GPR158: variants seen among roughly 807,000 people sequenced by gnomAD.
GPR158 encodes the protein G protein-coupled receptor 158, also known as metabotropic glycine receptor.
Under a neutral mutation model 78.2 loss-of-function variants are expected in GPR158, and 30 were observed. The observed-to-expected ratio is 0.38, with a 90% CI of 0.29 to 0.52. GPR158 has a LOEUF of 0.52. Ranked by LOEUF, GPR158 falls within the 20% of genes least tolerant of loss-of-function variation. GPR158 has a pLI of 0.83. For synonymous variants in GPR158, 581 were observed against 591.1 expected (o/e 0.98, Z 0.25); for missense variants, 1,463 against 1,523.5 (o/e 0.96, Z 0.66).
chr10:25,374,247 T>C (rs1834044266), intron 2 of GPR158, among the ~76,000 whole-genome samples: 1 of 151,558 alleles, frequency 6.6e-6, no homozygotes, highest in African/African-American at 2.4e-5. Flanking sequence ...ATATATAATA[T>C]GTAGTTTTTT....
At chr10:25,405,500 T>A (rs1221278411) in intron 3 of GPR158, among the ~76,000 whole-genome samples, 2 of 42,728 alleles carry the variant, frequency 4.7e-5, no homozygotes, top group Non-Finnish European at 1.0e-4. Flanking sequence ...ACAATTTCCT[T>A]TTTTTTTTTT....
intron 6 of GPR158, among the ~76,000 whole-genome samples, chr10:25,552,688 G>C (rs1315071929): frequency 6.6e-6 from 1 of 152,148 alleles, no homozygotes; most frequent in Non-Finnish European, 1.5e-5. Flanking sequence ...AAAAATGTCA[G>C]ATGAAGCCCT....
intron 2 of GPR158, among the ~76,000 whole-genome samples, chr10:25,327,630 A>G (rs1482823193): frequency 6.6e-6 from 1 of 152,192 alleles, no homozygotes; most frequent in Non-Finnish European, 1.5e-5. Flanking sequence ...AGACAGGAGC[A>G]ATGAAACACT....
At chr10:25,584,470 T>C (rs1040432647) in intron 7 of GPR158, among the ~76,000 whole-genome samples, 13 of 152,350 alleles carry the variant, frequency 8.5e-5, no homozygotes, top group Admixed American at 8.5e-4. Context: ...TGAGAAATCT[T>C]ATTTTGTCTT....
chr10:25,528,932 C>T (rs1472587759), intron 5 of GPR158, among the ~76,000 whole-genome samples: 1 of 151,802 alleles, frequency 6.6e-6, no homozygotes, highest in Non-Finnish European at 1.5e-5. Flanking sequence ...ATCAATGGGA[C>T]AAAATAAAGC....
At chr10:25,577,493 C>T (rs16926125) in intron 7 of GPR158, among the ~76,000 whole-genome samples, 6 of 152,114 alleles carry the variant, frequency 3.9e-5, no homozygotes, top group East Asian at 1.9e-4. Flanking sequence ...CAGCTTTACC[C>T]GTCAAAAACA....
chr10:25,323,220 C>CA (rs2130481327), intron 2 of GPR158, among the ~76,000 whole-genome samples: 1 of 152,274 alleles, frequency 6.6e-6, no homozygotes, highest in South Asian at 2.1e-4. Context: ...ATGCTATACA[C>CA]AATGCTGTCA....
chr10:25,396,570 G>T (rs1834365286), intron 3 of GPR158, among the ~76,000 whole-genome samples: 1 of 152,086 alleles, frequency 6.6e-6, no homozygotes, highest in Admixed American at 6.5e-5. Flanking sequence ...TGGCTGAGGT[G>T]GGAGGATCGC....
In GPR158 at chr10:25,574,871, T is replaced by C. The variant is rs987326119; in HGVS notation, c.1753+1984T>C. Among the ~76,000 whole-genome samples, 4 of 151,540 alleles carry C rather than the reference T, an allele frequency of 2.6e-5. No homozygotes were observed. In the East Asian group the frequency reaches 7.8e-4, roughly 29 times the overall value. On this transcript the variant is annotated intron_variant, in intron 7 of 10. Transcript: ENST00000376351. ...CTGCACTCCAGCCTGGGAGACAGAG[T>C]GAGACTTTGTCTCAAAGAAATAAAA...
chr10:25,224,282 G>A lies in GPR158; in HGVS notation c.1008+3125G>A, dbSNP rs1231013611. 2.0e-5 allele frequency among the ~76,000 whole-genome samples: 3 copies of A among 151,806 alleles called. No homozygotes were observed. In the East Asian group the frequency reaches 5.8e-4, roughly 29 times the overall value. ...TTGTTTGAAGTGTAAAAAAACCATT[G>A]TTTGAAGTAGGAAATATTAGGAGAG... On this transcript the variant is annotated intron_variant, in intron 2 of 10. Transcript: ENST00000376351.
chr10:25,356,227 C>G (rs1027330531), intron 2 of GPR158, among the ~76,000 whole-genome samples: 8 of 151,994 alleles, frequency 5.3e-5, no homozygotes, highest in African/African-American at 1.9e-4. Context: ...AGAGTTTTTT[C>G]ACTTCTATGT....
chr10:25,273,400 C>CTTTTTT (rs36068886), intron 2 of GPR158, among the ~76,000 whole-genome samples: 3 of 122,050 alleles, frequency 2.5e-5, no homozygotes, highest in African/African-American at 9.0e-5. Context: ...ACATTGGCAT[C>CTTTTTT]TTTTTTTTTT....
chr10:25,507,755 G>A (rs1368745462), intron 5 of GPR158, among the ~76,000 whole-genome samples: 1 of 152,032 alleles, frequency 6.6e-6, no homozygotes, highest in Non-Finnish European at 1.5e-5. Context: ...TCTCTTTATG[G>A]CAAAGGGGAA....
intron 7 of GPR158, among the ~76,000 whole-genome samples, chr10:25,573,139 G>A (rs1391133289): frequency 2.0e-5 from 3 of 152,164 alleles, no homozygotes; most frequent in Non-Finnish European, 2.9e-5. Context: ...AAGGAGAAAC[G>A]AACAATGGCA....
intron 2 of GPR158, among the ~76,000 whole-genome samples, chr10:25,253,012 C>T (rs1454044302): frequency 2.6e-5 from 4 of 152,302 alleles, no homozygotes; most frequent in East Asian, 1.9e-4. Context: ...GATATAGTCT[C>T]GTGGTGTGCC....
In GPR158 at chr10:25,286,074, G is replaced by C. The variant is rs1367565438; in HGVS notation, c.1008+64917G>C. Reference sequence around the variant, plus strand: ...GTTCAATATTTTTTCTTTATTTTTAGTTAACAACTGTTTGAATATGATATG... The same window carrying C: ...GTTCAATATTTTTTCTTTATTTTTACTTAACAACTGTTTGAATATGATATG... On this transcript the variant is annotated intron_variant, in intron 2 of 10. Coordinates refer to ENST00000376351, the MANE Select transcript of GPR158 (RefSeq NM_020752.3). Among the ~76,000 whole-genome samples, 4 of 151,934 alleles carry C rather than the reference G, an allele frequency of 2.6e-5. No individual in the cohort carries two copies. In the East Asian group the frequency reaches 7.7e-4, roughly 29 times the overall value.
Position 25,437,588 on chromosome 10 carries a change from A to G in GPR158, c.1335+25115A>G, listed in dbSNP as rs569499164. ...CAGGAACAACTGTCTATTCATATGGAAAAATACAATATTAGATCATGCCCT... is the reference window on the plus strand; with the variant it reads ...CAGGAACAACTGTCTATTCATATGGGAAAATACAATATTAGATCATGCCCT... On this transcript the variant is annotated intron_variant, in intron 4 of 10. Coordinates refer to ENST00000376351, the MANE Select transcript of GPR158 (RefSeq NM_020752.3). Among the ~76,000 whole-genome samples, 51 of 152,344 alleles carry G rather than the reference A, an allele frequency of 3.3e-4. 1 individual carries two copies. Among genetic ancestry groups the G allele is most frequent in the Non-Finnish European group, 2.4e-4 (16 of 68,032 alleles).
intron 4 of GPR158, among the ~76,000 whole-genome samples, chr10:25,438,508 C>T (rs1208529444): frequency 6.6e-6 from 1 of 152,178 alleles, no homozygotes; most frequent in Non-Finnish European, 1.5e-5. Context: ...AGCGCATTTA[C>T]AGCATTGATA....
At chr10:25,396,217 G>A (rs1266284202) in intron 3 of GPR158, among the ~76,000 whole-genome samples, 2 of 152,050 alleles carry the variant, frequency 1.3e-5, no homozygotes, top group African/African-American at 4.8e-5. Context: ...ATATTCTTAG[G>A]TATATATTAG....
Sources: gnomAD v4.1 joint callset for allele counts (sites outside exome capture counted in the v4.1 genomes callset) on GRCh38, gnomAD v4.1.1 for gene constraint, MANE v1.5 for transcripts, NCBI Gene and HGNC (gene_info 2026-07-23, HGNC 2026-07-21) for gene names.